ASPH: variants seen among roughly 807,000 people sequenced by gnomAD.
ASPH encodes aspartyl/asparaginyl beta-hydroxylase.
Under a neutral mutation model 118.4 loss-of-function variants are expected in ASPH, and 100 were observed. The ratio of observed to expected loss-of-function variants is 0.84; its 90% CI spans 0.72 to 1.00. ASPH has a LOEUF of 1.00. Ranked by LOEUF, ASPH falls within the 50% of genes least tolerant of loss-of-function variation. The pLI is 0.00. For missense variants in ASPH, 920 were observed against 919.5 expected (o/e 1.00, Z -0.01); for synonymous variants, 315 against 325.6 (o/e 0.97, Z 0.35).
chr8:61,617,159 T>C (rs1346232495), intron 14 of ASPH, among the ~76,000 whole-genome samples: 1 of 152,098 alleles, frequency 6.6e-6, no homozygotes, highest in Admixed American at 6.5e-5. Context: ...TACAGAGGCA[T>C]TTAAAGCCAT....
At chr8:61,583,564 T>TTATACA in intron 15 of ASPH, 1 of 157,452 alleles carries the variant, frequency 6.4e-6, no homozygotes, top group Non-Finnish European at 1.4e-5. Flanking sequence ...AAAAAAATTC[T>TTATACA]CATTTGATCT....
intron 19 of ASPH, among the ~76,000 whole-genome samples, chr8:61,553,750 C>T (rs1311718628): frequency 6.6e-6 from 1 of 152,114 alleles, no homozygotes; most frequent in African/African-American, 2.4e-5. Context: ...TTGATGAACC[C>T]CATTCCCGTC....
At chr8:61,665,930 C>T (rs1293056269) in intron 3 of ASPH, among the ~76,000 whole-genome samples, 1 of 152,106 alleles carries the variant, frequency 6.6e-6, no homozygotes, top group Non-Finnish European at 1.5e-5. Flanking sequence ...TATTAACTCA[C>T]ACTTTGTAAC....
intron 3 of ASPH, chr8:61,658,731 AAGGT>A (rs1332427039): frequency 6.6e-6 from 1 of 152,218 alleles, no homozygotes; most frequent in Non-Finnish European, 1.5e-5. Context: ...GGTAACTTCC[AAGGT>A]AGTTAAAACA....
At chr8:61,648,875 G>A (rs918584607) in intron 5 of ASPH, among the ~76,000 whole-genome samples, 1 of 152,038 alleles carries the variant, frequency 6.6e-6, no homozygotes, top group Non-Finnish European at 1.5e-5. Flanking sequence ...GATGGGGGCA[G>A]GGAGGTTATG....
At position 61,577,213 on chromosome 8, in the gene ASPH, T is replaced by G. The variant is rs953136342; in HGVS notation, c.1063-355A>C. ...ATGGAGGAGGGCTAGCATTAGGAGATATACCTAATGTACATGACGGGTGAA... is the reference window on the plus strand; with the variant it reads ...ATGGAGGAGGGCTAGCATTAGGAGAGATACCTAATGTACATGACGGGTGAA... On this transcript the variant is annotated intron_variant, in intron 15 of 24. Transcript: ENST00000379454. Among the ~76,000 whole-genome samples, 3 of 151,930 alleles carry G rather than the reference T, an allele frequency of 2.0e-5. No homozygotes were observed. In the South Asian group the frequency reaches 6.2e-4, roughly 32 times the overall value.
At chr8:61,653,201 C>A (rs1408731361) in intron 4 of ASPH, among the ~76,000 whole-genome samples, 1 of 152,154 alleles carries the variant, frequency 6.6e-6, no homozygotes, top group Non-Finnish European at 1.5e-5. Flanking sequence ...TAGATCTACT[C>A]TATTAAATCA....
chr8:61,682,366 T>TAAATTAGTAGAAAA lies in ASPH; in HGVS notation c.254-1344_254-1331dup. 4 of 1,458,546 alleles carry TAAATTAGTAGAAAA rather than the reference T, an allele frequency of 2.7e-6. 1 individual carries two copies. In the South Asian group the frequency reaches 4.7e-5, roughly 17 times the overall value. The allele number at this position is 1,458,546 out of a possible 1,614,324, so 90.4% of individuals were successfully genotyped here. A position where few individuals can be genotyped will look rare whatever the true frequency, so the allele number is the denominator to read the frequency against. ...CTTATATTCTGATGTAGATAATAAT[T>TAAATTAGTAGAAAA]AAATTAGTAGAAAAAGGATGAGCCA... On this transcript the variant is annotated intron_variant, in intron 2 of 24. Transcript: ENST00000379454.
At position 61,502,257 on chromosome 8, in the gene ASPH, G is replaced by T. The variant is rs964399911; in HGVS notation, c.*1102C>A. Reference sequence around the variant, plus strand: ...TCTTCCAAACTCTTTCATCAAAAAGGAAAGTAATCTGGACCTCCTACGCCC... The same window carrying T: ...TCTTCCAAACTCTTTCATCAAAAAGTAAAGTAATCTGGACCTCCTACGCCC... On this transcript the variant is annotated 3_prime_UTR_variant, in exon 25 of 25. Coordinates refer to ENST00000379454, the MANE Select transcript of ASPH (RefSeq NM_004318.4). 6.6e-6 allele frequency: 1 copy of T among 152,162 alleles called. No homozygotes were observed. Among genetic ancestry groups the T allele is most frequent in the African/African-American group, 2.4e-5 (1 of 41,450 alleles). 9.4% of individuals were successfully genotyped at this position (152,162 alleles called of 1,614,324 possible). A position where few individuals can be genotyped will look rare whatever the true frequency, so the allele number is the denominator to read the frequency against.
At chr8:61,624,644 G>C (rs928946007) in intron 13 of ASPH, 2 of 985,128 alleles carry the variant, frequency 2.0e-6, no homozygotes, top group African/African-American at 1.7e-5. Context: ...TAAAGACAAG[G>C]CTCATTAATT....
At chr8:61,586,272 T>C (rs1185470505) in intron 14 of ASPH, among the ~76,000 whole-genome samples, 6 of 152,336 alleles carry the variant, frequency 3.9e-5, no homozygotes, top group East Asian at 1.9e-4. Context: ...TTTAACTACT[T>C]AATTTCCAGC....
At chr8:61,636,339 G>A (rs919411238) in intron 12 of ASPH, among the ~76,000 whole-genome samples, 8 of 152,152 alleles carry the variant, frequency 5.3e-5, no homozygotes, top group African/African-American at 1.9e-4. Flanking sequence ...AATGTTTAGG[G>A]AGTCTATTAA....
At chr8:61,684,537 T>C (rs1274632497) in intron 1 of ASPH, 1 of 174,330 alleles carries the variant, frequency 5.7e-6, no homozygotes, top group East Asian at 1.5e-4. Context: ...CATAAAAATG[T>C]AGCCAAATCC....
At chr8:61,548,302 T>C in intron 20 of ASPH, 94 bp from the exon 21 acceptor site, 1 of 1,360,510 alleles carries the variant, frequency 7.4e-7, no homozygotes, top group Non-Finnish European at 9.7e-7. Flanking sequence ...AAGGTATTAC[T>C]TTGACACATT....
chr8:61,544,531 T>G (rs528233751), intron 21 of ASPH, among the ~76,000 whole-genome samples: 117 of 152,348 alleles, frequency 7.7e-4, no homozygotes, highest in Admixed American at 1.4e-3. Flanking sequence ...AGAGATAATT[T>G]TCTTTCTCTC....
At chr8:61,629,667 C>CTA in intron 13 of ASPH, among the ~76,000 whole-genome samples, 1 of 152,356 alleles carries the variant, frequency 6.6e-6, no homozygotes, top group East Asian at 1.9e-4. Flanking sequence ...TACTTTTCTA[C>CTA]TATACATCAT....
intron 1 of ASPH, among the ~76,000 whole-genome samples, chr8:61,693,920 G>A (rs1383994274): frequency 6.6e-6 from 1 of 152,100 alleles, no homozygotes; most frequent in Non-Finnish European, 1.5e-5. Flanking sequence ...GTGAACACAA[G>A]TATCCCCCGC....
chr8:61,680,849 A>G (rs1055507269), intron 3 of ASPH, 119 bp downstream of exon 3: 54 of 734,192 alleles, frequency 7.4e-5, no homozygotes, highest in Non-Finnish European at 4.2e-6. Context: ...GAAATATATG[A>G]TTTAAGGGAG....
At chr8:61,617,777 T>C (rs1849518201) in intron 14 of ASPH, among the ~76,000 whole-genome samples, 1 of 151,084 alleles carries the variant, frequency 6.6e-6, no homozygotes, top group East Asian at 1.9e-4. Context: ...ACTTAAAAAA[T>C]ACAAAAATTA....
Sources: allele counts gnomAD v4.1 joint callset (sites outside exome capture counted in the v4.1 genomes callset), GRCh38; gene constraint gnomAD v4.1.1; transcripts MANE v1.5; gene names NCBI Gene and HGNC (gene_info 2026-07-23, HGNC 2026-07-21).